The following STK4 variants were observed in gnomAD, a reference collection of about 807,000 sequenced individuals.
STK4 encodes serine/threonine-protein kinase 4.
In STK4, 30 loss-of-function variants were observed where a neutral mutation model predicts 64.9. That is an observed-to-expected ratio of 0.46 (90% CI 0.35 to 0.63). The LOEUF (loss-of-function observed/expected upper bound fraction) is 0.63. Ranked by LOEUF, STK4 falls within the 20% of genes least tolerant of loss-of-function variation. STK4 has a pLI of 0.01. For synonymous variants in STK4, 177 were observed against 199.0 expected (o/e 0.89, Z 0.93); for missense variants, 466 against 598.5 (o/e 0.78, Z 2.31).
intron 9 of STK4, among the ~76,000 whole-genome samples, chr20:45,019,173 A>G (rs1413926352): frequency 1.3e-5 from 2 of 152,158 alleles, no homozygotes; most frequent in South Asian, 2.1e-4. Flanking sequence ...CATCCCCTCA[A>G]AAAACTCTAA....
At chr20:45,013,612 T>C (rs2068091098) in intron 9 of STK4, among the ~76,000 whole-genome samples, 1 of 152,216 alleles carries the variant, frequency 6.6e-6, no homozygotes, top group Non-Finnish European at 1.5e-5. Context: ...GAGTGTGGTC[T>C]GTTATATCAA....
At chr20:45,000,983 T>C (rs2067828000) in intron 8 of STK4, among the ~76,000 whole-genome samples, 184 bp from the exon 9 acceptor site, 1 of 152,214 alleles carries the variant, frequency 6.6e-6, no homozygotes. Context: ...ACACTGCTTA[T>C]TATCACGTGG....
chr20:44,995,289 G>T, intron 6 of STK4, 32 bp downstream of exon 6: 1 of 1,585,464 alleles, frequency 6.3e-7, no homozygotes. Context: ...CAGTGGGGTG[G>T]TTAGTTACTG....
chr20:45,062,231 C>T (rs1382837719), intron 10 of STK4, among the ~76,000 whole-genome samples: 1 of 152,148 alleles, frequency 6.6e-6, no homozygotes, highest in Non-Finnish European at 1.5e-5. Context: ...TAATGGCCTC[C>T]AACTCCATCC....
chr20:45,059,426 G>C (rs1978797245), intron 10 of STK4, among the ~76,000 whole-genome samples: 1 of 152,080 alleles, frequency 6.6e-6, no homozygotes, highest in South Asian at 2.1e-4. Context: ...GTGAAATAAG[G>C]GTTCCCTGAA....
chr20:45,075,120 C>T lies in STK4; in HGVS notation c.1408C>T (p.Arg470Trp), dbSNP rs768691855. 1.9e-6 allele frequency: 3 copies of T among 1,614,160 alleles called. No individual in the cohort carries two copies. Among genetic ancestry groups the T allele is most frequent in the Admixed American group, 1.7e-5 (1 of 60,024 alleles). Residue 470 changes from arginine (R) to tryptophan (W), a missense_variant, in exon 11 of 11, where the codon CGG becomes TGG. Physicochemically the swap from Arg to Trp is moderately radical, Grantham distance 101. Transcript: ENST00000372806. ...GATCCGGCAGAAGTACCAGTCCAAG[C>T]GGCAGCCCATCCTGGATGCCATAGA... ...EEIRQKYQSKRQPILDAIEAK... is the reference protein window; with the variant it reads ...EEIRQKYQSKWQPILDAIEAK...
chr20:45,034,393 C>T (rs1047562534), intron 10 of STK4, among the ~76,000 whole-genome samples: 1 of 151,880 alleles, frequency 6.6e-6, no homozygotes, highest in Non-Finnish European at 1.5e-5. Context: ...CAGAATATGG[C>T]AGTGTGATTA....
At chr20:45,024,180 G>A (rs757687700) in intron 9 of STK4, among the ~76,000 whole-genome samples, 10 of 151,816 alleles carry the variant, frequency 6.6e-5, no homozygotes, top group Admixed American at 1.3e-4. Flanking sequence ...GATTACAGGC[G>A]TGAGCCACCG....
intron 5 of STK4, among the ~76,000 whole-genome samples, chr20:44,987,968 T>G (rs1003736702): frequency 2.0e-4 from 29 of 143,146 alleles, no homozygotes; most frequent in Non-Finnish European, 6.0e-5. Flanking sequence ...TTATGTACGG[T>G]TTTTTTTTTA....
At chr20:45,053,155 A>G (rs1257994663) in intron 10 of STK4, 1 of 1,612,738 alleles carries the variant, frequency 6.2e-7, no homozygotes, top group African/African-American at 1.3e-5. Flanking sequence ...CCTGCTGTGT[A>G]GATACGCTTT....
rs936745144 is a variant in STK4, at chr20:45,052,267, C to T, written c.1306-22751C>T. 1.2e-3 allele frequency among the ~76,000 whole-genome samples: 141 copies of T among 120,584 alleles called. 3 individuals are homozygous for T. The highest frequency in any genetic ancestry group is 3.4e-4 in the Non-Finnish European group (19 of 55,864). 79.1% of individuals were successfully genotyped at this position (120,584 alleles called of 152,430 possible). ...AGCTTAAAGAAGAAAATGTCTCTTA[C>T]AACTCTTCCACCCCCCCCAGCAATA... On this transcript the variant is annotated intron_variant, in intron 10 of 10. Transcript: ENST00000372806.
intron 9 of STK4, among the ~76,000 whole-genome samples, chr20:45,013,129 C>G (rs2068084346): frequency 6.6e-6 from 1 of 151,710 alleles, no homozygotes; most frequent in Non-Finnish European, 1.5e-5. Context: ...ACCTCCAATA[C>G]AGTGTTGCAT....
chr20:44,975,753 G>A lies in STK4; in HGVS notation c.117-2690G>A, dbSNP rs1601182591. On this transcript the variant is annotated intron_variant, in intron 2 of 10. Coordinates refer to ENST00000372806, the MANE Select transcript of STK4 (RefSeq NM_006282.5). Reference sequence around the variant, plus strand: ...TGGTTCGATAATAGGAACTGAGCTTGGATTGTATTTAAGTATGGTATCTTG... The same window carrying A: ...TGGTTCGATAATAGGAACTGAGCTTAGATTGTATTTAAGTATGGTATCTTG... 4 of 152,244 alleles carry A rather than the reference G, an allele frequency of 2.6e-5. No homozygotes were observed. In the South Asian group the frequency reaches 8.3e-4, roughly 32 times the overall value. The allele number at this position is 152,244 out of a possible 1,614,324, so 9.4% of individuals were successfully genotyped here.
rs751316400 is a variant in STK4 at position 44,972,081 on chromosome 20, G to T, written c.39G>T (p.Gln13His). 1 of 1,613,602 alleles carries T rather than the reference G, an allele frequency of 6.2e-7. No homozygotes were observed. The highest frequency in any genetic ancestry group is 2.2e-5 in the East Asian group (1 of 44,846). ...TVQLRNPPRR[Q>H]LKKLDEDSLT... ...GTTTATATTTCTTTATTCACAGGCA[G>T]CTGAAAAAGTTGGATGAAGATAGTT... The change falls in exon 2 of 11, where the codon CAG (glutamine) becomes CAT (histidine). Residue 13 changes from glutamine to histidine, a missense_variant. By Grantham distance (24) the Gln-to-His change is conservative (BLOSUM62 0). This residue lies in a region of STK4 where 190 missense variants were observed against 289.7 expected (regional missense o/e 0.66). Coordinates refer to ENST00000372806, the MANE Select transcript of STK4 (RefSeq NM_006282.5).
At chr20:45,067,081 G>A (rs746692445) in intron 10 of STK4, among the ~76,000 whole-genome samples, 4 of 151,956 alleles carry the variant, frequency 2.6e-5, no homozygotes, top group Non-Finnish European at 5.9e-5. Context: ...AAGTATCCTC[G>A]GTACTAAATT....
intron 9 of STK4, chr20:45,004,589 G>C (rs141820255): frequency 6.6e-6 from 1 of 151,396 alleles, no homozygotes; most frequent in Non-Finnish European, 1.5e-5. Flanking sequence ...TTTGTCAGAC[G>C]GGTAGATTGC....
intron 10 of STK4, among the ~76,000 whole-genome samples, chr20:45,066,180 C>CACA (rs1979552806): frequency 1.1e-5 from 1 of 89,288 alleles, no homozygotes; most frequent in Non-Finnish European, 2.4e-5. Flanking sequence ...CATTATATAT[C>CACA]TACACACACA....
At chr20:45,069,839 A>G (rs898582854) in intron 10 of STK4, among the ~76,000 whole-genome samples, 2 of 152,246 alleles carry the variant, frequency 1.3e-5, no homozygotes, top group Admixed American at 6.5e-5. Flanking sequence ...TACAGAACTT[A>G]TATCCTAGTA....
intron 9 of STK4, among the ~76,000 whole-genome samples, chr20:45,010,983 G>T (rs2068034652): frequency 2.6e-5 from 4 of 152,090 alleles, no homozygotes; most frequent in Admixed American, 6.5e-5. Context: ...GATTAAGGTG[G>T]GATTTGATTG....
Sources: gnomAD v4.1 joint callset for allele counts (sites outside exome capture counted in the v4.1 genomes callset) on GRCh38, gnomAD v4.1.1 for gene constraint, gnomAD v4.1.1 regional missense constraint, MANE v1.5 for transcripts, NCBI Gene and HGNC (gene_info 2026-07-23, HGNC 2026-07-21) for gene names.